The following DOCK2 variants were observed in gnomAD, a reference collection of about 807,000 sequenced individuals.
The protein encoded by DOCK2 is dedicator of cytokinesis 2.
Under a neutral mutation model 248.9 loss-of-function variants are expected in DOCK2, and 87 were observed. The observed-to-expected ratio is 0.35, with a 90% CI of 0.29 to 0.42. The LOEUF is 0.42. Ranked by LOEUF, DOCK2 falls within the 10% of genes least tolerant of loss-of-function variation. DOCK2 has a pLI of 1.00. For missense variants in DOCK2, 1,747 were observed against 2,300.2 expected (o/e 0.76, Z 4.92); for synonymous variants, 805 against 821.6 (o/e 0.98, Z 0.35).
intron 38 of DOCK2, among the ~76,000 whole-genome samples, chr5:170,044,549 C>T (rs1166957745): frequency 3.3e-5 from 5 of 152,160 alleles, no homozygotes; most frequent in African/African-American, 4.8e-5. Context: ...AAGACCTATA[C>T]TTGAGCCCAA....
At position 169,714,776 on chromosome 5, in the gene DOCK2, CTGT is replaced by C. The variant is rs1431676466; in HGVS notation, c.1941+321_1941+323del. 5.3e-5 allele frequency among the ~76,000 whole-genome samples: 8 copies of C among 152,216 alleles called. No individual in the cohort carries two copies. The East Asian group carries it at 1.5e-3, about 29-fold the overall frequency. ...TATAAAAGTGACATAGTTCTCAGGG[CTGT>C]TATGAGCATTCAAGGTGATAATATT... On this transcript the variant is annotated intron_variant, in intron 19 of 51. Coordinates refer to ENST00000520908, the MANE Select transcript of DOCK2 (RefSeq NM_004946.3).
chr5:169,897,718 C>T (rs999092578), intron 27 of DOCK2, among the ~76,000 whole-genome samples: 4 of 152,146 alleles, frequency 2.6e-5, no homozygotes, highest in Non-Finnish European at 4.4e-5. Flanking sequence ...GGGTGAGCTC[C>T]CTGTCCATGC....
intron 32 of DOCK2, among the ~76,000 whole-genome samples, chr5:170,011,098 C>T (rs1755272484): frequency 6.6e-6 from 1 of 152,004 alleles, no homozygotes; most frequent in Non-Finnish European, 1.5e-5. Flanking sequence ...AGCTGAGGAC[C>T]AATAAAAAAA....
intron 27 of DOCK2, among the ~76,000 whole-genome samples, chr5:169,896,772 G>T (rs776260471): frequency 1.6e-4 from 24 of 152,122 alleles, no homozygotes; most frequent in Non-Finnish European, 3.1e-4. Context: ...GTCCCTACCC[G>T]CTGCTCACAG....
intron 1 of DOCK2, among the ~76,000 whole-genome samples, chr5:169,638,023 C>T (rs1241924643): frequency 6.6e-6 from 1 of 152,184 alleles, no homozygotes; most frequent in Non-Finnish European, 1.5e-5. Flanking sequence ...CTGCCTGGAG[C>T]TCAGGGGCGG....
At chr5:170,066,726 A>G (rs1166302663) in intron 44 of DOCK2, among the ~76,000 whole-genome samples, 1 of 152,198 alleles carries the variant, frequency 6.6e-6, no homozygotes, top group Non-Finnish European at 1.5e-5. Context: ...ACTGTGGCCC[A>G]TGGACTAAAT....
chr5:170,040,993 C>T lies in DOCK2; in HGVS notation c.3666-62C>T, dbSNP rs1011615100. 5 of 1,465,804 alleles carry T rather than the reference C, an allele frequency of 3.4e-6. No individual in the cohort carries two copies. The African/African-American group carries it at 7.0e-5, about 20-fold the overall frequency. The allele number at this position is 1,465,804 out of a possible 1,614,324, so 90.8% of individuals were successfully genotyped here. On this transcript the variant is annotated intron_variant, in intron 36 of 51. Transcript: ENST00000520908. ...AGTTGTTCTCTGGGCTCCTGCTTGT[C>T]CCTGCCAGGTGTCTCCTTTTCACTG...
chr5:169,955,146 C>G (rs1776811467), intron 27 of DOCK2, among the ~76,000 whole-genome samples: 2 of 152,174 alleles, frequency 1.3e-5, no homozygotes, highest in South Asian at 2.1e-4. Context: ...AGCTGAGGAG[C>G]TACATGGCCA....
intron 26 of DOCK2, among the ~76,000 whole-genome samples, chr5:169,836,161 T>C (rs748845848): frequency 6.6e-6 from 1 of 152,238 alleles, no homozygotes; most frequent in Non-Finnish European, 1.5e-5. Context: ...ATCATTTGTG[T>C]AAAAGTAGAT....
intron 27 of DOCK2, among the ~76,000 whole-genome samples, chr5:169,978,367 C>T (rs1327030502): frequency 9.9e-6 from 1 of 101,404 alleles, no homozygotes; most frequent in Non-Finnish European, 1.7e-5. Flanking sequence ...GGGGTCCTGG[C>T]TCTGTGTATG....
chr5:169,971,909 T>C (rs1479071347), intron 27 of DOCK2, among the ~76,000 whole-genome samples: 2 of 152,208 alleles, frequency 1.3e-5, no homozygotes, highest in Non-Finnish European at 2.9e-5. Flanking sequence ...TTCCTCATCC[T>C]GTTCCAACAT....
At position 169,643,663 on chromosome 5, in the gene DOCK2, A is replaced by T. The variant is rs1003209616; in HGVS notation, c.43+6294A>T. Among the ~76,000 whole-genome samples, 3 of 152,200 alleles carry T rather than the reference A, an allele frequency of 2.0e-5. No homozygotes were observed. In the East Asian group the frequency reaches 5.8e-4, roughly 30 times the overall value. On this transcript the variant is annotated intron_variant, in intron 1 of 51. Coordinates refer to ENST00000520908, the MANE Select transcript of DOCK2 (RefSeq NM_004946.3). The stretch of plus-strand genomic sequence containing the variant: ...GGTTCCTAACAGGCCACCAACCAGT[A>T]CCGGTCGGTGGCCTGGGGAGTTGGG...
chr5:169,841,147 A>G (rs1486940042), intron 27 of DOCK2, among the ~76,000 whole-genome samples: 2 of 152,204 alleles, frequency 1.3e-5, no homozygotes, highest in Non-Finnish European at 2.9e-5. Flanking sequence ...TTTTGTAAGT[A>G]AACAAGGTGG....
chr5:169,771,386 C>T (rs899171055), intron 25 of DOCK2, among the ~76,000 whole-genome samples: 28 of 152,266 alleles, frequency 1.8e-4, no homozygotes, highest in South Asian at 4.1e-4. Context: ...CAGGTTCAAG[C>T]GATTCTCCTG....
intron 51 of DOCK2, 65 bp from the exon 52 acceptor site, chr5:170,082,731 G>T (rs1758077403): frequency 6.3e-7 from 1 of 1,597,314 alleles, no homozygotes; most frequent in Admixed American, 1.7e-5. Context: ...GGACTGGGAA[G>T]CTCCATTTTG....
intron 27 of DOCK2, among the ~76,000 whole-genome samples, chr5:169,911,467 G>T (rs1033429751): frequency 6.6e-6 from 1 of 152,154 alleles, no homozygotes; most frequent in Non-Finnish European, 1.5e-5. Context: ...TGTCCAGACT[G>T]GGGATGTTTA....
At chr5:169,905,820 C>T (rs1353723927) in intron 27 of DOCK2, among the ~76,000 whole-genome samples, 8 of 152,190 alleles carry the variant, frequency 5.3e-5, no homozygotes, top group South Asian at 2.1e-4. Flanking sequence ...AAAGTGAGAA[C>T]ACTTTGGGGC....
At chr5:169,913,972 C>T (rs1774742807) in intron 27 of DOCK2, among the ~76,000 whole-genome samples, 1 of 152,152 alleles carries the variant, frequency 6.6e-6, no homozygotes, top group Non-Finnish European at 1.5e-5. Flanking sequence ...GCTCAGAAAA[C>T]TCACGTGTCC....
rs76556648 is a variant in DOCK2, at chr5:170,046,607, G to A, written c.3966+702G>A. ...TAGCTTTTGGTGGGGGGAAGGTATA[G>A]TGATCTTGTTAAAAACAGCTGAGCT... On this transcript the variant is annotated intron_variant, in intron 39 of 51. Coordinates refer to ENST00000520908, the MANE Select transcript of DOCK2 (RefSeq NM_004946.3). 3.2e-3 allele frequency among the ~76,000 whole-genome samples: 486 copies of A among 152,338 alleles called. 2 individuals carry two copies. Among genetic ancestry groups the A allele is most frequent in the Non-Finnish European group, 5.1e-3 (346 of 68,030 alleles).
Sources: allele counts gnomAD v4.1 joint callset (sites outside exome capture counted in the v4.1 genomes callset), GRCh38; gene constraint gnomAD v4.1.1; transcripts MANE v1.5; gene names NCBI Gene and HGNC (gene_info 2026-07-23, HGNC 2026-07-21).